SUCLG2: variants seen among roughly 807,000 people sequenced by gnomAD.
SUCLG2 encodes succinate-CoA ligase GDP-forming subunit beta, also known as succinate--CoA ligase [GDP-forming] subunit beta, mitochondrial.
Under a neutral mutation model 47.9 loss-of-function variants are expected in SUCLG2, and 42 were observed. That is an observed-to-expected ratio of 0.88 (90% CI 0.69 to 1.14). The LOEUF is 1.14. Among genes scored for constraint, SUCLG2 ranks in the 50% most tolerant of loss-of-function variants. The pLI is 0.00. For missense variants in SUCLG2, 571 were observed against 525.9 expected (o/e 1.09, Z -0.84); for synonymous variants, 195 against 197.3 (o/e 0.99, Z 0.10).
intron 2 of SUCLG2, among the ~76,000 whole-genome samples, chr3:67,531,091 T>A (rs1041672297): frequency 3.9e-5 from 6 of 152,200 alleles, no homozygotes; most frequent in African/African-American, 1.2e-4. Flanking sequence ...GTAAGGATGA[T>A]GTGAAGAATA....
In SUCLG2 at chr3:67,498,035, T is replaced by C. The variant is rs1042891880; in HGVS notation, c.919+99A>G. The C allele has an allele frequency of 4.3e-5, 55 of 1,278,864 alleles. 1 individual carries two copies. The highest frequency in any genetic ancestry group is 3.1e-5 in the Non-Finnish European group (29 of 929,696). The allele number at this position is 1,278,864 out of a possible 1,614,324, so 79.2% of individuals were successfully genotyped here. A position where few individuals can be genotyped will look rare whatever the true frequency, so the allele number is the denominator to read the frequency against. On this transcript the variant is annotated intron_variant, in intron 8 of 10. Coordinates refer to ENST00000307227, the MANE Select transcript of SUCLG2 (RefSeq NM_003848.4). The stretch of plus-strand genomic sequence containing the variant: ...GACTTTTCAGCTACAAAAAAACTTA[T>C]GTGCTTACTTCTTCTTGGTAAGTGA...
At chr3:67,622,940 C>T (rs541364033) in intron 1 of SUCLG2, among the ~76,000 whole-genome samples, 6 of 152,222 alleles carry the variant, frequency 3.9e-5, no homozygotes, top group South Asian at 4.1e-4. Context: ...TGGAAGAAGG[C>T]GAGGATATTT....
chr3:67,362,214 CT>C (rs1180201784), intron 10 of SUCLG2, among the ~76,000 whole-genome samples: 1 of 152,168 alleles, frequency 6.6e-6, no homozygotes, highest in Admixed American at 6.5e-5. Context: ...CAACATTAGA[CT>C]TATCTATTTA....
chr3:67,651,983 G>A (rs1287898355), intron 1 of SUCLG2, among the ~76,000 whole-genome samples: 3 of 152,018 alleles, frequency 2.0e-5, no homozygotes, highest in African/African-American at 7.2e-5. Flanking sequence ...AAAGTATCAC[G>A]TGGCCAAAGA....
At chr3:67,527,563 G>C (rs1706288240) in intron 4 of SUCLG2, among the ~76,000 whole-genome samples, 1 of 152,248 alleles carries the variant, frequency 6.6e-6, no homozygotes, top group Admixed American at 6.5e-5. Flanking sequence ...GACTGAGGCA[G>C]GCCACTTTCC....
Position 67,444,027 on chromosome 3 carries a change from C to T in SUCLG2, c.1063-43176G>A, listed in dbSNP as rs1398212502. Among the ~76,000 whole-genome samples, 45 of 121,104 alleles carry T rather than the reference C, an allele frequency of 3.7e-4. 1 individual carries two copies. The highest frequency in any genetic ancestry group is 1.4e-3 in the South Asian group (4 of 2,876). The allele number at this position is 121,104 out of a possible 152,430, so 79.4% of individuals were successfully genotyped here. A position where few individuals can be genotyped will look rare whatever the true frequency, so the allele number is the denominator to read the frequency against. ...GAGGGAGGTGGGGGGGTCAGCCCCCCGCCTGGCCAGCCGCCCCGTCCGGGA... is the reference window on the plus strand; with the variant it reads ...GAGGGAGGTGGGGGGGTCAGCCCCCTGCCTGGCCAGCCGCCCCGTCCGGGA... On this transcript the variant is annotated intron_variant, in intron 9 of 10. Transcript: ENST00000307227.
chr3:67,600,492 C>T (rs1430987041), intron 2 of SUCLG2, among the ~76,000 whole-genome samples: 2 of 152,188 alleles, frequency 1.3e-5, no homozygotes, highest in Non-Finnish European at 2.9e-5. Flanking sequence ...GGTAATCAGT[C>T]AAAGTAGGGC....
At chr3:67,588,801 G>T (rs1708086277) in intron 2 of SUCLG2, among the ~76,000 whole-genome samples, 1 of 152,188 alleles carries the variant, frequency 6.6e-6, no homozygotes, top group Non-Finnish European at 1.5e-5. Context: ...TACTCTAAGA[G>T]ATGGGGTATG....
intron 10 of SUCLG2, among the ~76,000 whole-genome samples, chr3:67,368,883 G>T (rs1216946845): frequency 6.6e-6 from 1 of 152,154 alleles, no homozygotes; most frequent in African/African-American, 2.4e-5. Context: ...TGGGATTACA[G>T]GTGTGAGCCA....
chr3:67,514,085 T>G (rs1705874062), intron 6 of SUCLG2: 1 of 341,536 alleles, frequency 2.9e-6, no homozygotes. Flanking sequence ...CAGTACTTGC[T>G]TCAGTACAAC....
chr3:67,426,184 A>AT (rs58066826), intron 9 of SUCLG2, among the ~76,000 whole-genome samples: 5,107 of 152,306 alleles, frequency 0.034, 113 homozygotes, highest in African/African-American at 0.057. Flanking sequence ...AGAATAAAAA[A>AT]AACAAGCAAA....
chr3:67,436,171 C>T (rs1018183796), intron 9 of SUCLG2, among the ~76,000 whole-genome samples: 1 of 152,106 alleles, frequency 6.6e-6, no homozygotes, highest in South Asian at 2.1e-4. Flanking sequence ...AGAAAAATAA[C>T]CTGCTTTTTT....
chr3:67,415,637 C>T (rs966747322), intron 9 of SUCLG2, among the ~76,000 whole-genome samples: 2 of 152,350 alleles, frequency 1.3e-5, no homozygotes, highest in Admixed American at 6.5e-5. Context: ...TACTGGCCAA[C>T]TTGGCTGAAA....
chr3:67,618,637 T>G (rs1700674509), intron 1 of SUCLG2, among the ~76,000 whole-genome samples: 1 of 152,182 alleles, frequency 6.6e-6, no homozygotes, highest in Non-Finnish European at 1.5e-5. Context: ...TGACTTTTTC[T>G]CTTTTTAGTC....
In SUCLG2 at chr3:67,458,338, A is replaced by G. The variant is rs569830258; in HGVS notation, c.1062+37460T>C. On this transcript the variant is annotated intron_variant, in intron 9 of 10. Coordinates refer to ENST00000307227, the MANE Select transcript of SUCLG2 (RefSeq NM_003848.4). ...TAATCTCACAACAACCCTAAGAAAT[A>G]GGCACTAATAATATCATCCTTCTAC... Among the ~76,000 whole-genome samples the G allele has an allele frequency of 1.2e-4, 18 of 152,340 alleles. No homozygotes were observed. In the South Asian group the frequency reaches 3.7e-3, roughly 32 times the overall value.
chr3:67,527,895 C>T (rs181598166), intron 4 of SUCLG2, among the ~76,000 whole-genome samples: 2 of 152,290 alleles, frequency 1.3e-5, no homozygotes. Context: ...CGGTCACTCA[C>T]CCTCACCCAC....
At chr3:67,569,366 AAT>A (rs1707550685) in intron 2 of SUCLG2, among the ~76,000 whole-genome samples, 2 of 152,192 alleles carry the variant, frequency 1.3e-5, no homozygotes, top group Admixed American at 1.3e-4. Flanking sequence ...AGTAGGATTC[AAT>A]ATTTCTTTTT....
intron 2 of SUCLG2, among the ~76,000 whole-genome samples, chr3:67,562,522 C>G (rs907544347): frequency 6.6e-6 from 1 of 152,220 alleles, no homozygotes; most frequent in Non-Finnish European, 1.5e-5. Flanking sequence ...AAATGATCCA[C>G]CTGCCGCAGC....
chr3:67,641,742 TACTGG>T (rs1271091380), intron 1 of SUCLG2, among the ~76,000 whole-genome samples: 1 of 152,166 alleles, frequency 6.6e-6, no homozygotes, highest in Non-Finnish European at 1.5e-5. Context: ...AAGTACCACA[TACTGG>T]GTGGCTGAAA....
Sources: gnomAD v4.1 joint callset for allele counts (sites outside exome capture counted in the v4.1 genomes callset) on GRCh38, gnomAD v4.1.1 for gene constraint, MANE v1.5 for transcripts, NCBI Gene and HGNC (gene_info 2026-07-23, HGNC 2026-07-21) for gene names.